Variants in LDLRAD3 observed in about 807,000 individuals in gnomAD.
LDLRAD3 encodes the protein low-density lipoprotein receptor class A domain-containing protein 3.
Under a neutral mutation model 29.4 loss-of-function variants are expected in LDLRAD3, and 20 were observed. The ratio of observed to expected loss-of-function variants is 0.68; its 90% CI spans 0.48 to 0.99. The LOEUF is 0.99. LDLRAD3 is among the 50% of genes least tolerant of loss of function. LDLRAD3 has a pLI of 0.00. For missense variants in LDLRAD3, 420 were observed against 454.3 expected (o/e 0.92, Z 0.69); for synonymous variants, 157 against 192.7 (o/e 0.81, Z 1.53).
intron 4 of LDLRAD3, among the ~76,000 whole-genome samples, chr11:36,184,847 G>A (rs1386596090): frequency 6.6e-6 from 1 of 152,132 alleles, no homozygotes; most frequent in East Asian, 1.9e-4. Context: ...ATAACAGAGG[G>A]TCTCCTTTAG....
At chr11:36,062,359 A>G (rs1852714229) in intron 2 of LDLRAD3, among the ~76,000 whole-genome samples, 1 of 152,188 alleles carries the variant, frequency 6.6e-6, no homozygotes, top group South Asian at 2.1e-4. Flanking sequence ...TTTTGGGGCC[A>G]GGTAAGTCTT....
At chr11:36,189,609 A>G (rs577733275) in intron 4 of LDLRAD3, among the ~76,000 whole-genome samples, 2 of 151,988 alleles carry the variant, frequency 1.3e-5, no homozygotes, top group South Asian at 4.2e-4. Flanking sequence ...TTTAAGTTCT[A>G]GGGTACATGT....
intron 4 of LDLRAD3, among the ~76,000 whole-genome samples, chr11:36,125,582 T>C (rs1009309162): frequency 2.6e-5 from 4 of 152,140 alleles, no homozygotes; most frequent in African/African-American, 7.2e-5. Context: ...CCTCAGCTGG[T>C]CGATGGGGTG....
chr11:35,973,288 G>A (rs1851438332), intron 1 of LDLRAD3, among the ~76,000 whole-genome samples: 3 of 152,048 alleles, frequency 2.0e-5, no homozygotes, highest in South Asian at 2.1e-4. Context: ...TGTTATATAT[G>A]CACTATAAAT....
At chr11:36,065,028 G>A (rs1464992390) in intron 2 of LDLRAD3, among the ~76,000 whole-genome samples, 2 of 152,132 alleles carry the variant, frequency 1.3e-5, no homozygotes, top group African/African-American at 4.8e-5. Context: ...ACTTCTATTA[G>A]GTCCACTTTG....
intron 1 of LDLRAD3, among the ~76,000 whole-genome samples, chr11:36,025,619 G>C (rs1852155303): frequency 6.6e-6 from 1 of 151,852 alleles, no homozygotes; most frequent in Non-Finnish European, 1.5e-5. Context: ...TTGATCTCCT[G>C]ACCTTGTGAT....
chr11:36,159,470 A>G (rs989588479), intron 4 of LDLRAD3, among the ~76,000 whole-genome samples: 2 of 151,602 alleles, frequency 1.3e-5, no homozygotes, highest in African/African-American at 2.4e-5. Flanking sequence ...CCCTGTCTCT[A>G]AAAAGAAAAA....
At chr11:35,999,369 G>A (rs1407854703) in intron 1 of LDLRAD3, among the ~76,000 whole-genome samples, 2 of 152,160 alleles carry the variant, frequency 1.3e-5, no homozygotes, top group East Asian at 3.9e-4. Flanking sequence ...CTTGAAGAAT[G>A]TCCTCTCTGT....
intron 4 of LDLRAD3, among the ~76,000 whole-genome samples, chr11:36,140,650 G>T (rs1195883872): frequency 6.6e-6 from 1 of 151,924 alleles, no homozygotes; most frequent in Non-Finnish European, 1.5e-5. Flanking sequence ...TGAACTCCTG[G>T]GATCGAGCGA....
chr11:35,962,267 C>A (rs1312893797), intron 1 of LDLRAD3, among the ~76,000 whole-genome samples: 22 of 152,234 alleles, frequency 1.4e-4, no homozygotes, highest in African/African-American at 5.1e-4. Context: ...GGGGTATTCT[C>A]TTTCATGACC....
At chr11:36,144,733 C>T (rs1442481676) in intron 4 of LDLRAD3, among the ~76,000 whole-genome samples, 1 of 139,240 alleles carries the variant, frequency 7.2e-6, no homozygotes, top group Non-Finnish European at 1.6e-5. Flanking sequence ...CTCCGCCCGG[C>T]AGCCACCCCG....
At chr11:36,121,442 T>C (rs1292958731) in intron 4 of LDLRAD3, among the ~76,000 whole-genome samples, 3 of 151,908 alleles carry the variant, frequency 2.0e-5, no homozygotes, top group Non-Finnish European at 1.5e-5. Context: ...CTGAGGAAAG[T>C]ATGGAAATGC....
At chr11:36,174,522 AAAAC>A (rs1219878316) in intron 4 of LDLRAD3, among the ~76,000 whole-genome samples, 14 of 152,242 alleles carry the variant, frequency 9.2e-5, no homozygotes, top group African/African-American at 1.9e-4. Flanking sequence ...TTACAAGAAA[AAAAC>A]AAACAACCCC....
At chr11:36,165,517 C>A (rs1042462624) in intron 4 of LDLRAD3, among the ~76,000 whole-genome samples, 1 of 151,904 alleles carries the variant, frequency 6.6e-6, no homozygotes, top group South Asian at 2.1e-4. Context: ...TTTTTCATCA[C>A]GTAATTGCCA....
chr11:36,145,527 A>G (rs375722039), intron 4 of LDLRAD3, among the ~76,000 whole-genome samples: 3 of 150,444 alleles, frequency 2.0e-5, no homozygotes, highest in East Asian at 2.0e-4. Flanking sequence ...CATTGAGAAC[A>G]GGCCATGATG....
At chr11:36,167,180 G>A (rs1438965614) in intron 4 of LDLRAD3, among the ~76,000 whole-genome samples, 1 of 152,180 alleles carries the variant, frequency 6.6e-6, no homozygotes, top group Non-Finnish European at 1.5e-5. Context: ...AAGAGTAGAT[G>A]TTGCAGTCTT....
In LDLRAD3 at chr11:36,229,623, TCC is replaced by T; in HGVS notation, c.*228_*229del. On this transcript the variant is annotated 3_prime_UTR_variant, in exon 6 of 6. Coordinates refer to ENST00000315571, the MANE Select transcript of LDLRAD3 (RefSeq NM_174902.4). Reference sequence around the variant, plus strand: ...TGCGTCTTTTCTGTCAGGTCACTCTTCCCTTGGGACCCGAGATCACACCCTCA... The same window carrying T: ...TGCGTCTTTTCTGTCAGGTCACTCTTCTTGGGACCCGAGATCACACCCTCA... 1 of 487,892 alleles carries T rather than the reference TCC, an allele frequency of 2.0e-6. No individual in the cohort carries two copies. The allele number at this position is 487,892 out of a possible 1,614,324, so 30.2% of individuals were successfully genotyped here. A position where few individuals can be genotyped will look rare whatever the true frequency, so the allele number is the denominator to read the frequency against.
chr11:36,006,803 A>G (rs1851891071), intron 1 of LDLRAD3, among the ~76,000 whole-genome samples: 1 of 152,206 alleles, frequency 6.6e-6, no homozygotes, highest in African/African-American at 2.4e-5. Flanking sequence ...ACAGGGTGAA[A>G]TTGCCTTATG....
At chr11:35,992,933 C>T (rs1021332165) in intron 1 of LDLRAD3, among the ~76,000 whole-genome samples, 1 of 152,188 alleles carries the variant, frequency 6.6e-6, no homozygotes, top group African/African-American at 2.4e-5. Flanking sequence ...TGAATCAAAA[C>T]ATACCCTTCA....
Sources: gnomAD v4.1 joint callset for allele counts (sites outside exome capture counted in the v4.1 genomes callset) on GRCh38, gnomAD v4.1.1 for gene constraint, MANE v1.5 for transcripts, NCBI Gene and HGNC (gene_info 2026-07-23, HGNC 2026-07-21) for gene names.